HERC3: variants seen among roughly 807,000 people sequenced by gnomAD.
HERC3 encodes probable E3 ubiquitin-protein ligase HERC3.
Under a neutral mutation model 129.9 loss-of-function variants are expected in HERC3, and 58 were observed. The observed-to-expected ratio is 0.45, with a 90% CI of 0.36 to 0.56. The LOEUF (loss-of-function observed/expected upper bound fraction) is 0.56, where lower values mean the gene tolerates loss of function less well. Among genes scored for constraint, HERC3 ranks in the 20% least tolerant of loss-of-function variants. The pLI is 0.00. For missense variants in HERC3, 835 were observed against 1,244.2 expected (o/e 0.67, Z 4.95); for synonymous variants, 430 against 451.0 (o/e 0.95, Z 0.59).
chr4:88,697,829 T>C (rs1560779418), intron 23 of HERC3: 6 of 1,502,056 alleles, frequency 4.0e-6, no homozygotes, highest in Non-Finnish European at 4.4e-6. Flanking sequence ...AGAGAGATCT[T>C]GCGGATGCGG....
intron 16 of HERC3, among the ~76,000 whole-genome samples, chr4:88,674,461 A>T (rs868861011): frequency 6.6e-6 from 1 of 152,176 alleles, no homozygotes; most frequent in Non-Finnish European, 1.5e-5. Context: ...CTAAAACTTT[A>T]TCTTGCTTTA....
intron 12 of HERC3, among the ~76,000 whole-genome samples, chr4:88,664,634 A>G (rs1466384648): frequency 6.6e-6 from 1 of 152,216 alleles, no homozygotes; most frequent in Non-Finnish European, 1.5e-5. Flanking sequence ...AATTGGTAGA[A>G]TCATCAGTAA....
rs113687305 is a variant in HERC3, at chr4:88,686,965, G to A, written c.2574+163G>A. Among the ~76,000 whole-genome samples the A allele has an allele frequency of 0.016, 2,376 of 152,182 alleles. 57 individuals carry two copies. The highest frequency in any genetic ancestry group is 0.054 in the African/African-American group (2,251 of 41,514). ...TCTTGAGTGTTATAGGGGTTCAGTG[G>A]GCGTGTTGAATAAATGAATGAATGA... On this transcript the variant is annotated intron_variant, in intron 22 of 25. Coordinates refer to ENST00000402738, the MANE Select transcript of HERC3 (RefSeq NM_014606.3).
At chr4:88,677,891 G>C (rs566640026) in intron 18 of HERC3, 73 bp from the exon 19 acceptor site, 1 of 1,415,532 alleles carries the variant, frequency 7.1e-7, no homozygotes, top group South Asian at 1.2e-5. Flanking sequence ...CCCAAGTCCA[G>C]AAGCACAGCT....
At chr4:88,596,984 A>G (rs1488804230) in intron 2 of HERC3, among the ~76,000 whole-genome samples, 1 of 152,266 alleles carries the variant, frequency 6.6e-6, no homozygotes, top group Non-Finnish European at 1.5e-5. Context: ...TTTAGTTACA[A>G]TGATGCTTAT....
rs2149301248 is a variant in HERC3, at chr4:88,670,163, G to A, written c.1822G>A (p.Glu608Lys). Residue 608 changes from glutamate to lysine, a missense_variant, in exon 16 of 26, where the codon GAA becomes AAA. Transcript: ENST00000402738. ...GGTAAATCTTAAAGTGAAGCATGTG[G>A]AATATGATACATTTTACATTCCTGA... is the stretch of plus-strand genomic sequence containing the variant. ...YKVNLKVKHV[E>K]YDTFYIPEIS... The A allele has an allele frequency of 6.2e-7, 1 of 1,613,242 alleles. No individual in the cohort carries two copies.
intron 2 of HERC3, among the ~76,000 whole-genome samples, chr4:88,601,495 T>C (rs557188590): frequency 6.6e-6 from 1 of 152,376 alleles, no homozygotes; most frequent in South Asian, 2.1e-4. Context: ...CTCCTTCATA[T>C]GTTGACAGTT....
At chr4:88,591,849 C>T (rs997853309), upstream of HERC3, among the ~76,000 whole-genome samples, 1 of 152,170 alleles carries the variant, frequency 6.6e-6, no homozygotes, top group Non-Finnish European at 1.5e-5. Flanking sequence ...ATGCTCCCCC[C>T]GGGTCCACCC....
intron 3 of HERC3, among the ~76,000 whole-genome samples, chr4:88,608,776 G>A (rs971729612): frequency 3.9e-5 from 6 of 152,184 alleles, no homozygotes; most frequent in African/African-American, 1.4e-4. Flanking sequence ...AACAAGTAAT[G>A]CATTTGGAGG....
At chr4:88,647,743 A>G (rs1391749206) in intron 3 of HERC3, among the ~76,000 whole-genome samples, 2 of 151,928 alleles carry the variant, frequency 1.3e-5, no homozygotes, top group Non-Finnish European at 2.9e-5. Flanking sequence ...TTCAGGTTAA[A>G]TAACAGTTCC....
At chr4:88,661,787 A>AT (rs1284066889) in intron 10 of HERC3, among the ~76,000 whole-genome samples, 18 of 152,248 alleles carry the variant, frequency 1.2e-4, no homozygotes, top group African/African-American at 4.3e-4. Context: ...GAAGCAAGAA[A>AT]TTAAGAGTCA....
the HERC3 span, among the ~76,000 whole-genome samples, chr4:88,539,243 A>G: frequency 6.6e-6 from 1 of 152,192 alleles, no homozygotes; most frequent in African/African-American, 2.4e-5. Context: ...CCATGGTCTT[A>G]GCAACCGGCA....
intron 11 of HERC3, among the ~76,000 whole-genome samples, chr4:88,662,952 A>G (rs552852104): frequency 2.6e-5 from 4 of 151,624 alleles, no homozygotes; most frequent in Non-Finnish European, 5.9e-5. Flanking sequence ...AATAATTTCT[A>G]GCATTTTCCT....
chr4:88,667,821 T>C (rs1328885451), intron 13 of HERC3, 71 bp from the exon 14 acceptor site: 1 of 1,136,990 alleles, frequency 8.8e-7, no homozygotes, highest in East Asian at 2.3e-5. Flanking sequence ...TCAAATAGCT[T>C]ATGAACTTAG....
At chr4:88,586,055 C>A in the HERC3 span, among the ~76,000 whole-genome samples, 1 of 152,146 alleles carries the variant, frequency 6.6e-6, no homozygotes, top group African/African-American at 2.4e-5. Flanking sequence ...CTTAGCAATT[C>A]CACTTTTAGG....
the HERC3 span, among the ~76,000 whole-genome samples, chr4:88,571,547 C>G: frequency 2.6e-5 from 4 of 152,158 alleles, no homozygotes; most frequent in Admixed American, 6.5e-5. Context: ...GGTATGCAAA[C>G]TAGACAGCCC....
At chr4:88,646,069 G>A (rs1037500346) in intron 3 of HERC3, among the ~76,000 whole-genome samples, 6 of 152,162 alleles carry the variant, frequency 3.9e-5, no homozygotes, top group African/African-American at 1.2e-4. Flanking sequence ...GGGCTTTGAA[G>A]TCAGACAGAC....
chr4:88,656,952 G>A (rs1269916882), intron 9 of HERC3: 2 of 152,006 alleles, frequency 1.3e-5, no homozygotes, highest in Non-Finnish European at 2.9e-5. Flanking sequence ...CTTTGCTGTT[G>A]GCATTTTGGT....
chr4:88,593,648 G>A (rs890734795), intron 1 of HERC3, among the ~76,000 whole-genome samples: 1 of 152,148 alleles, frequency 6.6e-6, no homozygotes, highest in Non-Finnish European at 1.5e-5. Context: ...GAATGCTTTG[G>A]GAAAGACGAT....
Sources: allele counts gnomAD v4.1 joint callset (sites outside exome capture counted in the v4.1 genomes callset), GRCh38; gene constraint gnomAD v4.1.1; transcripts MANE v1.5; gene names NCBI Gene and HGNC (gene_info 2026-07-23, HGNC 2026-07-21).